Variants in ADAMTSL1 observed in about 807,000 individuals in gnomAD.
ADAMTSL1 encodes ADAMTS-like protein 1.
ADAMTSL1 carries 126 observed loss-of-function variants against 201.8 expected under a neutral mutation model. The ratio of observed to expected loss-of-function variants is 0.62; its 90% confidence interval spans 0.54 to 0.72. The LOEUF (loss-of-function observed/expected upper bound fraction) is 0.72, where lower values mean the gene tolerates loss of function less well. Among genes scored for constraint, ADAMTSL1 ranks in the 30% least tolerant of loss-of-function variants. ADAMTSL1 has a pLI of 0.00. For synonymous variants in ADAMTSL1, 1,121 were observed against 903.4 expected (o/e 1.24, Z -4.32); for missense variants, 2,679 against 2,277.8 (o/e 1.18, Z -3.59).
chr9:18,078,293 A>G (rs1300615773), intron 1 of ADAMTSL1, among the ~76,000 whole-genome samples: 1 of 152,182 alleles, frequency 6.6e-6, no homozygotes, highest in Non-Finnish European at 1.5e-5. Flanking sequence ...ACAGATAGAA[A>G]ATTCTGGGCT....
At chr9:18,631,673 A>G (rs1826786065) in intron 5 of ADAMTSL1, among the ~76,000 whole-genome samples, 1 of 152,208 alleles carries the variant, frequency 6.6e-6, no homozygotes, top group Non-Finnish European at 1.5e-5. Context: ...CACGCAGAAC[A>G]TCCACATATG....
chr9:18,519,798 C>T (rs1188586931), intron 2 of ADAMTSL1, among the ~76,000 whole-genome samples: 1 of 152,214 alleles, frequency 6.6e-6, no homozygotes, highest in Non-Finnish European at 1.5e-5. Context: ...TACATTGTCT[C>T]ATTAGATTTT....
At chr9:18,053,838 G>A (rs894671650) in intron 1 of ADAMTSL1, among the ~76,000 whole-genome samples, 2 of 152,206 alleles carry the variant, frequency 1.3e-5, no homozygotes, top group Admixed American at 6.6e-5. Context: ...GGTGTGTATC[G>A]TCAAAACCCT....
intron 20 of ADAMTSL1, among the ~76,000 whole-genome samples, chr9:18,800,408 A>C (rs1325590925): frequency 6.6e-6 from 1 of 150,738 alleles, no homozygotes; most frequent in African/African-American, 2.5e-5. Flanking sequence ...AAAAAAAGGA[A>C]AAATGGACAG....
intron 1 of ADAMTSL1, among the ~76,000 whole-genome samples, chr9:18,126,335 TCTTC>T (rs1191706116): frequency 6.6e-6 from 1 of 152,220 alleles, no homozygotes; most frequent in Non-Finnish European, 1.5e-5. Context: ...TTCCCATTTC[TCTTC>T]CTTATAAGTA....
At chr9:18,262,089 T>A (rs1258324793) in intron 2 of ADAMTSL1, among the ~76,000 whole-genome samples, 1 of 152,244 alleles carries the variant, frequency 6.6e-6, no homozygotes, top group Non-Finnish European at 1.5e-5. Flanking sequence ...ATATATAATG[T>A]GTTTGACTAA....
chr9:18,745,917 G>T (rs576918853), intron 15 of ADAMTSL1, among the ~76,000 whole-genome samples: 1 of 152,250 alleles, frequency 6.6e-6, no homozygotes, highest in East Asian at 1.9e-4. Context: ...GCTGACCCCT[G>T]TCCCAGGCCA....
At chr9:18,431,119 T>C (rs1276894888) in intron 2 of ADAMTSL1, among the ~76,000 whole-genome samples, 1 of 152,198 alleles carries the variant, frequency 6.6e-6, no homozygotes, top group Non-Finnish European at 1.5e-5. Flanking sequence ...GCCACACCTG[T>C]GCCATCAAAC....
At chr9:18,668,038 A>G (rs1829568469) in intron 9 of ADAMTSL1, among the ~76,000 whole-genome samples, 1 of 152,182 alleles carries the variant, frequency 6.6e-6, no homozygotes, top group Non-Finnish European at 1.5e-5. Flanking sequence ...ATGTCTCCAA[A>G]AAAAAAACTC....
intron 2 of ADAMTSL1, among the ~76,000 whole-genome samples, chr9:18,223,687 T>C (rs1360240014): frequency 1.8e-4 from 28 of 152,136 alleles, no homozygotes; most frequent in Admixed American, 1.8e-3. Flanking sequence ...CTATATTAAA[T>C]ATATCTGTTT....
intron 23 of ADAMTSL1, among the ~76,000 whole-genome samples, chr9:18,875,682 T>C (rs867525559): frequency 6.6e-6 from 1 of 152,206 alleles, no homozygotes; most frequent in Non-Finnish European, 1.5e-5. Context: ...TAGACTATCT[T>C]GGAGAATATT....
chr9:17,909,272 G>C (rs1346033111), intron 1 of ADAMTSL1, among the ~76,000 whole-genome samples: 3 of 147,342 alleles, frequency 2.0e-5, no homozygotes, highest in Non-Finnish European at 4.5e-5. Context: ...TCTGTAGGTT[G>C]CCTGTTCACT....
chr9:18,592,448 T>C (rs564931061), intron 4 of ADAMTSL1, among the ~76,000 whole-genome samples: 1 of 152,206 alleles, frequency 6.6e-6, no homozygotes, highest in Non-Finnish European at 1.5e-5. Flanking sequence ...GTCCACAGAT[T>C]GGTTGCCATT....
chr9:18,173,365 G>A (rs148801370), intron 2 of ADAMTSL1, among the ~76,000 whole-genome samples: 5 of 152,174 alleles, frequency 3.3e-5, no homozygotes, highest in Admixed American at 3.3e-4. Context: ...CAACATCATG[G>A]GGCCTCCTAT....
chr9:18,068,299 A>C (rs889723007), intron 1 of ADAMTSL1, among the ~76,000 whole-genome samples: 8 of 152,154 alleles, frequency 5.3e-5, no homozygotes, highest in African/African-American at 1.9e-4. Flanking sequence ...CAAAAAGAAA[A>C]ACAACTAAAA....
At chr9:18,323,731 T>C (rs1834717450) in intron 2 of ADAMTSL1, among the ~76,000 whole-genome samples, 1 of 152,186 alleles carries the variant, frequency 6.6e-6, no homozygotes, top group Non-Finnish European at 1.5e-5. Flanking sequence ...CTTTTTTCAA[T>C]AGCTTTAAAC....
intron 2 of ADAMTSL1, among the ~76,000 whole-genome samples, chr9:18,178,277 G>C (rs1374745376): frequency 1.3e-5 from 2 of 152,164 alleles, no homozygotes; most frequent in African/African-American, 4.8e-5. Flanking sequence ...ACGGCACCTG[G>C]AAAATCGGGT....
intron 2 of ADAMTSL1, among the ~76,000 whole-genome samples, chr9:18,509,940 A>C (rs1349707276): frequency 2.0e-5 from 3 of 152,226 alleles, no homozygotes. Flanking sequence ...AGGCATCTAA[A>C]TTCAGTTCAG....
rs546977347 is a variant in ADAMTSL1 at position 18,828,868 on chromosome 9, G to C, written c.4115-975G>C. Among the ~76,000 whole-genome samples, 5 of 151,616 alleles carry C rather than the reference G, an allele frequency of 3.3e-5. No individual in the cohort carries two copies. The East Asian group carries it at 5.9e-4, about 18-fold the overall frequency. ...CTTATTAATTCACCAGCCCTAACAAGTGCCTTACAAGGTGCCAGGCACGTA... is the reference window on the plus strand; with the variant it reads ...CTTATTAATTCACCAGCCCTAACAACTGCCTTACAAGGTGCCAGGCACGTA... On this transcript the variant is annotated intron_variant, in intron 22 of 28. Transcript: ENST00000380548.
Sources: gnomAD v4.1 joint callset for allele counts (sites outside exome capture counted in the v4.1 genomes callset) on GRCh38, gnomAD v4.1.1 for gene constraint, MANE v1.5 for transcripts, NCBI Gene and HGNC (gene_info 2026-07-23, HGNC 2026-07-21) for gene names.